The following DPP6 variants were observed in gnomAD, a reference collection of about 807,000 sequenced individuals.
DPP6 encodes the protein dipeptidyl peptidase like 6.
Under a neutral mutation model 122.6 loss-of-function variants are expected in DPP6, and 69 were observed. The ratio of observed to expected loss-of-function variants is 0.56; its 90% CI spans 0.46 to 0.69. DPP6 has a LOEUF of 0.69. DPP6 is among the 30% of genes least tolerant of loss of function. The pLI, the probability that DPP6 is intolerant of heterozygous loss-of-function variation, is 0.00. For missense variants in DPP6, 928 were observed against 1,116.9 expected (o/e 0.83, Z 2.41); for synonymous variants, 418 against 433.1 (o/e 0.97, Z 0.43).
chr7:154,587,636 C>G, intron 5 of DPP6: 1 of 1,537,762 alleles, frequency 6.5e-7, no homozygotes, highest in Non-Finnish European at 8.8e-7. Flanking sequence ...TTCTGCCCAT[C>G]TCCCACTTTA....
At chr7:154,663,271 A>C (rs1211689093) in intron 6 of DPP6, among the ~76,000 whole-genome samples, 4 of 60,606 alleles carry the variant, frequency 6.6e-5, no homozygotes, top group African/African-American at 1.5e-4. Context: ...CGTAGTGTTC[A>C]TATAGTCATG....
At chr7:154,356,043 T>C (rs1451189242) in intron 1 of DPP6, among the ~76,000 whole-genome samples, 73 of 152,204 alleles carry the variant, frequency 4.8e-4, no homozygotes, top group Non-Finnish European at 2.9e-5. Context: ...TGTAAGGTCT[T>C]GCTTATTTTT....
the DPP6 span, among the ~76,000 whole-genome samples, chr7:153,780,368 A>T: frequency 6.6e-6 from 1 of 152,094 alleles, no homozygotes; most frequent in African/African-American, 2.4e-5. Flanking sequence ...CCTTTTTTTT[A>T]AAAACAAATC....
intron 8 of DPP6, among the ~76,000 whole-genome samples, chr7:154,747,526 T>A (rs1012757855): frequency 1.3e-5 from 2 of 152,210 alleles, no homozygotes; most frequent in Non-Finnish European, 2.9e-5. Context: ...ACTAGCAGCA[T>A]CGACCTTGTG....
intron 7 of DPP6, among the ~76,000 whole-genome samples, chr7:154,726,016 C>T (rs568958233): frequency 4.6e-5 from 7 of 152,188 alleles, no homozygotes; most frequent in African/African-American, 1.2e-4. Context: ...GACTCATATC[C>T]AGTGCATGCT....
intron 1 of DPP6, among the ~76,000 whole-genome samples, chr7:154,036,159 G>T (rs1799515956): frequency 6.6e-6 from 1 of 151,668 alleles, no homozygotes; most frequent in South Asian, 2.1e-4. Flanking sequence ...ACCCAGGCTG[G>T]AGTACAGTGG....
intron 1 of DPP6, among the ~76,000 whole-genome samples, chr7:154,278,913 G>A (rs1804314577): frequency 6.6e-6 from 1 of 151,602 alleles, no homozygotes; most frequent in African/African-American, 2.4e-5. Context: ...GCAATTGCAT[G>A]TGTATGTATG....
intron 8 of DPP6, among the ~76,000 whole-genome samples, chr7:154,753,723 G>A (rs932672048): frequency 7.2e-5 from 11 of 152,176 alleles, no homozygotes; most frequent in African/African-American, 2.4e-4. Context: ...AGGGACAGGA[G>A]CGGTCAGGAG....
intron 5 of DPP6, among the ~76,000 whole-genome samples, chr7:154,573,922 A>G (rs1341089835): frequency 6.6e-6 from 1 of 152,202 alleles, no homozygotes; most frequent in Admixed American, 6.5e-5. Flanking sequence ...GAGGAAAGAG[A>G]TTGTTTCTGT....
intron 1 of DPP6, among the ~76,000 whole-genome samples, chr7:154,268,910 A>C (rs1214736942): frequency 8.2e-6 from 1 of 122,238 alleles, no homozygotes; most frequent in East Asian, 2.6e-4. Flanking sequence ...TTGTTTTAAC[A>C]CAAGATCCTG....
intron 3 of DPP6, among the ~76,000 whole-genome samples, chr7:154,536,972 G>A (rs919212491): frequency 5.9e-5 from 9 of 152,156 alleles, no homozygotes; most frequent in African/African-American, 2.2e-4. Flanking sequence ...AAATTCAAAA[G>A]TGTTTCAGAA....
chr7:154,839,613 C>A lies in DPP6; in HGVS notation c.1667-14167C>A, dbSNP rs576958785. On this transcript the variant is annotated intron_variant, in intron 16 of 25. Transcript: ENST00000377770. Reference sequence around the variant, plus strand: ...TTGTTAACCGTTGTTGTTGCCATTACTGTTATTACGGTGGTGCCACAGAGG... The same window carrying A: ...TTGTTAACCGTTGTTGTTGCCATTAATGTTATTACGGTGGTGCCACAGAGG... Among the ~76,000 whole-genome samples, 363 of 152,324 alleles carry A rather than the reference C, an allele frequency of 2.4e-3. 2 individuals carry two copies. Among genetic ancestry groups the A allele is most frequent in the African/African-American group, 8.2e-3 (339 of 41,564 alleles).
At chr7:154,381,429 A>G (rs896423922) in intron 1 of DPP6, among the ~76,000 whole-genome samples, 1 of 152,166 alleles carries the variant, frequency 6.6e-6, no homozygotes, top group Non-Finnish European at 1.5e-5. Flanking sequence ...TAATGCCTCT[A>G]TATGGGTCTG....
the DPP6 span, among the ~76,000 whole-genome samples, chr7:153,818,772 G>C: frequency 0.015 from 2,253 of 152,008 alleles, 81 homozygotes; most frequent in African/African-American, 0.052. Context: ...TTTTTCCCGA[G>C]ACAGTGTCTT....
chr7:154,624,723 A>G lies in DPP6; in HGVS notation c.628-13098A>G, dbSNP rs1351519149. The stretch of plus-strand genomic sequence containing the variant: ...TTTCTAAGCTCCAAGCCTGGAGCCT[A>G]GGAAACAGTGTCTCCCAGGAAGAAA... On this transcript the variant is annotated intron_variant, in intron 5 of 25. Transcript: ENST00000377770. The surrounding 1 kb of genome is among the most constrained non-coding windows in gnomAD (Gnocchi z 4.7). Among the ~76,000 whole-genome samples the G allele has an allele frequency of 6.6e-6, 1 of 152,200 alleles. No individual in the cohort carries two copies. The highest frequency in any genetic ancestry group is 1.5e-5 in the Non-Finnish European group (1 of 68,036).
chr7:154,295,899 C>T (rs1389480411), intron 1 of DPP6, among the ~76,000 whole-genome samples: 6 of 151,516 alleles, frequency 4.0e-5, no homozygotes, highest in African/African-American at 1.5e-4. Context: ...TCTGTGTACA[C>T]ATAATCGATT....
At chr7:154,296,111 T>C (rs1805527379) in intron 1 of DPP6, among the ~76,000 whole-genome samples, 1 of 128,768 alleles carries the variant, frequency 7.8e-6, no homozygotes, top group Admixed American at 7.1e-5. Flanking sequence ...TGCTGGCTAA[T>C]TTTTTGTATT....
chr7:154,331,230 C>A (rs1482361534), intron 1 of DPP6, among the ~76,000 whole-genome samples: 1 of 152,208 alleles, frequency 6.6e-6, no homozygotes, highest in African/African-American at 2.4e-5. Flanking sequence ...ATTGGCAATT[C>A]ATTCATCTAT....
At chr7:153,853,497 T>C in the DPP6 span, among the ~76,000 whole-genome samples, 4 of 152,168 alleles carry the variant, frequency 2.6e-5, no homozygotes, top group African/African-American at 7.2e-5. Context: ...CAACCAGAAT[T>C]TTTGCTGATT....
Sources: allele counts gnomAD v4.1 joint callset (sites outside exome capture counted in the v4.1 genomes callset), GRCh38; gene constraint gnomAD v4.1.1; non-coding constraint Gnocchi (gnomAD v3.1); transcripts MANE v1.5; gene names NCBI Gene and HGNC (gene_info 2026-07-23, HGNC 2026-07-21).